MUSK: variants seen among roughly 807,000 people sequenced by gnomAD.
The protein encoded by MUSK is muscle associated receptor tyrosine kinase, also known as muscle, skeletal receptor tyrosine-protein kinase.
In MUSK, 55 loss-of-function variants were observed where a neutral mutation model predicts 88.7. The observed-to-expected ratio is 0.62, with a 90% CI of 0.50 to 0.78. The LOEUF (loss-of-function observed/expected upper bound fraction) is 0.78, where lower values mean the gene tolerates loss of function less well. MUSK is among the 30% of genes least tolerant of loss of function. The pLI, the probability that MUSK is intolerant of heterozygous loss-of-function variation, is 0.00. For missense variants in MUSK, 1,015 were observed against 1,074.3 expected, an observed-to-expected ratio of 0.94 and a Z score of 0.77; for synonymous variants, 387 against 391.9, an observed-to-expected ratio of 0.99 and a Z score of 0.15.
At chr9:110,686,274 C>T (rs2076195400) in intron 2 of MUSK, among the ~76,000 whole-genome samples, 1 of 152,034 alleles carries the variant, frequency 6.6e-6, no homozygotes, top group South Asian at 2.1e-4. Context: ...CTCTCTCTTC[C>T]ATCTTTTAAG....
rs765869653 is a variant in MUSK at position 110,784,977 on chromosome 9, A to G, written c.1547A>G (p.Tyr516Cys). Reference protein sequence around the residue: ...IFVLLTITTLYCCRRRKQWKN... With the variant: ...IFVLLTITTLCCCRRRKQWKN... ...GTGCTTCTTACCATAACTACTCTCT[A>G]TTGCTGCCGAAGAAGAAAACAATGG... Residue 516 changes from tyrosine (Y) to cysteine (C), a missense_variant, in exon 12 of 15, where the codon TAT (tyrosine) becomes TGT (cysteine). Tyr to Cys is a radical substitution (Grantham distance 194, BLOSUM62 -2). Coordinates refer to ENST00000374448, the MANE Select transcript of MUSK (RefSeq NM_005592.4). 6.2e-7 allele frequency: 1 copy of G among 1,613,768 alleles called. No homozygotes were observed. The highest frequency in any genetic ancestry group is 8.5e-7 in the Non-Finnish European group (1 of 1,179,802).
At chr9:110,735,017 A>G (rs1476753693) in intron 6 of MUSK, among the ~76,000 whole-genome samples, 2 of 152,258 alleles carry the variant, frequency 1.3e-5, no homozygotes, top group Non-Finnish European at 2.9e-5. Flanking sequence ...TTGTATGTGT[A>G]TGGTGTCAAA....
rs531329834 is a variant in MUSK, at chr9:110,805,719, T to C, written c.*4731T>C. ...CTAATGGATTTGTTAATATGTTCAA[T>C]TGTATGAATTTATTTCCTAATGTAG... is the stretch of plus-strand genomic sequence containing the variant. On this transcript the variant is annotated 3_prime_UTR_variant, in exon 15 of 15. Transcript: ENST00000374448. Among the ~76,000 whole-genome samples, 17 of 152,010 alleles carry C rather than the reference T, an allele frequency of 1.1e-4. No individual in the cohort carries two copies. Among genetic ancestry groups the C allele is most frequent in the Non-Finnish European group, 2.5e-4 (17 of 67,862 alleles).
In MUSK at chr9:110,704,697, A is replaced by G. The variant is rs1051756966; in HGVS notation, c.628+7231A>G. Among the ~76,000 whole-genome samples, 10 of 152,294 alleles carry G rather than the reference A, an allele frequency of 6.6e-5. No homozygotes were observed. The East Asian group carries it at 1.7e-3, about 26-fold the overall frequency. On this transcript the variant is annotated intron_variant, in intron 5 of 14. Transcript: ENST00000374448. Reference sequence around the variant, plus strand: ...TCATCATCTCTGCATAGAGAATTATATGGGGGGTCCCGGCACGATGGCTCA... The same window carrying G: ...TCATCATCTCTGCATAGAGAATTATGTGGGGGGTCCCGGCACGATGGCTCA...
chr9:110,748,046 C>T, intron 7 of MUSK: 2 of 648,008 alleles, frequency 3.1e-6, no homozygotes, highest in South Asian at 1.5e-5. Context: ...CAGGAACTCA[C>T]TTCTTCCTTC....
chr9:110,689,917 A>G (rs1384421053), intron 3 of MUSK, among the ~76,000 whole-genome samples: 16 of 72,906 alleles, frequency 2.2e-4, no homozygotes, highest in Non-Finnish European at 3.6e-4. Context: ...ATAAAAATAC[A>G]TATTTAAATA....
At chr9:110,700,854 C>A (rs920146380) in intron 5 of MUSK, among the ~76,000 whole-genome samples, 14 of 152,096 alleles carry the variant, frequency 9.2e-5, no homozygotes, top group Non-Finnish European at 1.8e-4. Flanking sequence ...GTCCTGGAAT[C>A]ATTATTAATA....
chr9:110,694,404 AAAC>A (rs553938042), intron 3 of MUSK, among the ~76,000 whole-genome samples: 5,492 of 119,974 alleles, frequency 0.046, 268 homozygotes, highest in African/African-American at 0.058. Flanking sequence ...AAAAAAAAAA[AAAC>A]AAAAAAACAA....
At chr9:110,777,513 T>C (rs2131993987) in intron 11 of MUSK, among the ~76,000 whole-genome samples, 1 of 152,202 alleles carries the variant, frequency 6.6e-6, no homozygotes, top group African/African-American at 2.4e-5. Flanking sequence ...ATGGAAACCT[T>C]AAAAATCTAT....
At chr9:110,781,314 T>C (rs1293681346) in intron 11 of MUSK, among the ~76,000 whole-genome samples, 1 of 152,016 alleles carries the variant, frequency 6.6e-6, no homozygotes, top group Non-Finnish European at 1.5e-5. Context: ...TCTCACTCTG[T>C]CGCCCAGGCT....
At chr9:110,777,129 A>G (rs1046389945) in intron 11 of MUSK, among the ~76,000 whole-genome samples, 3 of 152,076 alleles carry the variant, frequency 2.0e-5, no homozygotes, top group Non-Finnish European at 4.4e-5. Flanking sequence ...AGTTTATAGG[A>G]TCAAATCAAA....
At chr9:110,756,625 T>C (rs944893105) in intron 7 of MUSK, among the ~76,000 whole-genome samples, 1 of 151,862 alleles carries the variant, frequency 6.6e-6, no homozygotes, top group Non-Finnish European at 1.5e-5. Flanking sequence ...AATGACTCCA[T>C]GAGATGTGTT....
rs373303996 is a variant in MUSK, at chr9:110,690,833, T to C, written c.358+3565T>C. ...AAATATAAGTATATATATAAATATA[T>C]ATAAATATAAGTATATATATAAATA... On this transcript the variant is annotated intron_variant, in intron 3 of 14. Coordinates refer to ENST00000374448, the MANE Select transcript of MUSK (RefSeq NM_005592.4). 3.1e-3 allele frequency among the ~76,000 whole-genome samples: 399 copies of C among 127,836 alleles called. 13 individuals are homozygous for C. The highest frequency in any genetic ancestry group is 0.012 in the South Asian group (55 of 4,478). 83.9% of individuals were successfully genotyped at this position (127,836 alleles called of 152,430 possible). A position where few individuals can be genotyped will look rare whatever the true frequency, so the allele number is the denominator to read the frequency against.
Position 110,760,095 on chromosome 9 carries a change from T to A in MUSK, c.914-2107T>A, listed in dbSNP as rs574317524. On this transcript the variant is annotated intron_variant, in intron 7 of 14. Transcript: ENST00000374448. ...GGCGAGGTTGCTGAGAAAAGGGAAC[T>A]CTTATACACTGCTGCTGGTGGTGTA... 2.0e-5 allele frequency among the ~76,000 whole-genome samples: 3 copies of A among 152,228 alleles called. No individual in the cohort carries two copies. In the South Asian group the frequency reaches 6.2e-4, roughly 32 times the overall value.
intron 5 of MUSK, among the ~76,000 whole-genome samples, chr9:110,725,793 C>A (rs10980545): frequency 0.18 from 26,619 of 151,834 alleles, 3,121 homozygotes; most frequent in East Asian, 0.51. Context: ...AAGACAAGAA[C>A]AATGCATTAC....
In MUSK at chr9:110,706,137, C is replaced by T. The variant is rs149643186; in HGVS notation, c.628+8671C>T. 2.5e-3 allele frequency: 1,311 copies of T among 527,624 alleles called. 3 individuals carry two copies. Among genetic ancestry groups the T allele is most frequent in the Non-Finnish European group, 4.2e-3 (1,068 of 257,212 alleles). The allele number at this position is 527,624 out of a possible 1,614,324, so 32.7% of individuals were successfully genotyped here. A position where few individuals can be genotyped will look rare whatever the true frequency, so the allele number is the denominator to read the frequency against. On this transcript the variant is annotated intron_variant, in intron 5 of 14. Transcript: ENST00000374448. ...CCCTCCAGCTAAGATCGTTCCTTAG[C>T]TGTCCCCAAATATGAGAATGAATAT...
intron 7 of MUSK, among the ~76,000 whole-genome samples, chr9:110,751,362 T>C (rs2077245364): frequency 6.6e-6 from 1 of 151,976 alleles, no homozygotes; most frequent in Admixed American, 6.6e-5. Context: ...TCCTAGGGTG[T>C]AGGGAGAGGT....
chr9:110,752,396 C>A (rs1161858822), intron 7 of MUSK, among the ~76,000 whole-genome samples: 4 of 152,246 alleles, frequency 2.6e-5, no homozygotes, highest in Non-Finnish European at 4.4e-5. Flanking sequence ...CTCCCCAGAT[C>A]TCCCAGAACT....
At chr9:110,778,702 A>G (rs1015551001) in intron 11 of MUSK, among the ~76,000 whole-genome samples, 17 of 152,022 alleles carry the variant, frequency 1.1e-4, no homozygotes, top group African/African-American at 3.9e-4. Context: ...ACTGAAATCT[A>G]TCTGATTCTG....
Sources: gnomAD v4.1 joint callset for allele counts (sites outside exome capture counted in the v4.1 genomes callset) on GRCh38, gnomAD v4.1.1 for gene constraint, MANE v1.5 for transcripts, NCBI Gene and HGNC (gene_info 2026-07-23, HGNC 2026-07-21) for gene names.